MAPK6: variants seen among roughly 807,000 people sequenced by gnomAD.
MAPK6 encodes the protein mitogen-activated protein kinase 6.
Under a neutral mutation model 59.3 loss-of-function variants are expected in MAPK6, and 19 were observed. The observed-to-expected ratio is 0.32, with a 90% CI of 0.22 to 0.47. The LOEUF is 0.47. MAPK6 is among the 20% of genes least tolerant of loss of function. The probability of loss-of-function intolerance (pLI) is 1.00; values close to 1 mark genes in which losing one functional copy is unlikely to be tolerated. For missense variants in MAPK6, 724 were observed against 847.9 expected (o/e 0.85, Z 1.81); for synonymous variants, 316 against 290.3 (o/e 1.09, Z -0.90).
At chr15:52,002,236 G>A (rs893500051) in intron 2 of MAPK6, among the ~76,000 whole-genome samples, 2 of 152,134 alleles carry the variant, frequency 1.3e-5, no homozygotes, top group Non-Finnish European at 2.9e-5. Context: ...TATATTGCTT[G>A]AGCTAATACA....
chr15:51,981,641 A>G (rs1475103824), intron 1 of MAPK6, among the ~76,000 whole-genome samples: 1 of 152,180 alleles, frequency 6.6e-6, no homozygotes, highest in Non-Finnish European at 1.5e-5. Context: ...CCTGGAATAG[A>G]TAGACTTTAG....
At chr15:52,024,260 C>A (rs562357610) in intron 1 of MAPK6, among the ~76,000 whole-genome samples, 1 of 152,118 alleles carries the variant, frequency 6.6e-6, no homozygotes, top group Non-Finnish European at 1.5e-5. Flanking sequence ...CTGAAGAGAT[C>A]TAAGATCTTG....
chr15:51,985,134 G>A (rs1454457542), intron 2 of MAPK6, among the ~76,000 whole-genome samples: 5 of 152,016 alleles, frequency 3.3e-5, no homozygotes, highest in Non-Finnish European at 7.4e-5. Context: ...TTGAGCCCAG[G>A]AGTTGTAGAC....
intron 2 of MAPK6, among the ~76,000 whole-genome samples, chr15:51,994,799 A>G (rs1052617716): frequency 6.6e-6 from 1 of 152,216 alleles, no homozygotes; most frequent in Admixed American, 6.5e-5. Context: ...GAATCTAATC[A>G]TGATAAAACC....
intron 2 of MAPK6, among the ~76,000 whole-genome samples, chr15:51,997,261 G>A (rs2057227189): frequency 6.7e-6 from 1 of 150,276 alleles, no homozygotes; most frequent in Non-Finnish European, 1.5e-5. Flanking sequence ...ATTACAGTGA[G>A]CCACTGTGCC....
At chr15:51,976,373 C>A (rs760525267) in intron 1 of MAPK6, among the ~76,000 whole-genome samples, 1 of 150,700 alleles carries the variant, frequency 6.6e-6, no homozygotes, top group Non-Finnish European at 1.5e-5. Flanking sequence ...GGAAAGGTTT[C>A]TTAGGAAGAT....
chr15:52,010,513 C>CT (rs1566898115), intron 3 of MAPK6, among the ~76,000 whole-genome samples: 11 of 133,612 alleles, frequency 8.2e-5, no homozygotes, highest in African/African-American at 2.7e-4. Flanking sequence ...TTGCACCCAG[C>CT]CTTTTTTTTT....
chr15:52,003,015 C>T (rs571914826), intron 2 of MAPK6, among the ~76,000 whole-genome samples: 109 of 152,098 alleles, frequency 7.2e-4, no homozygotes, highest in South Asian at 1.5e-3. Context: ...GGTGAAACCC[C>T]GTCTCTACTA....
intron 1 of MAPK6, among the ~76,000 whole-genome samples, chr15:52,038,771 C>A (rs1232923481): frequency 6.6e-6 from 1 of 151,958 alleles, no homozygotes; most frequent in African/African-American, 2.4e-5. Context: ...TGGGATCAAG[C>A]GTTATTATAA....
At chr15:52,030,367 G>A (rs1414967570) in intron 1 of MAPK6, among the ~76,000 whole-genome samples, 3 of 152,168 alleles carry the variant, frequency 2.0e-5, no homozygotes, top group African/African-American at 7.2e-5. Context: ...CACATGCTAA[G>A]TGCTCAGTAA....
chr15:52,056,855 T>C (rs1016360813), intron 3 of MAPK6: 3 of 143,394 alleles, frequency 2.1e-5, no homozygotes, highest in Non-Finnish European at 3.0e-5. Flanking sequence ...GAATTTATGA[T>C]GACTCCTGAA....
rs914367209 is a variant in MAPK6, at chr15:52,065,912, A to C, written c.*912A>C. The C allele has an allele frequency of 2.0e-5, 3 of 152,630 alleles. No homozygotes were observed. Among genetic ancestry groups the C allele is most frequent in the Admixed American group, 6.5e-5 (1 of 15,278 alleles). 9.5% of individuals were successfully genotyped at this position (152,630 alleles called of 1,614,324 possible). ...TTTTGGAGGTGCTTGATCTATCTAC[A>C]AAGAAAAATTAATTAGGAATTACTT... On this transcript the variant is annotated 3_prime_UTR_variant, in exon 6 of 6. Coordinates refer to ENST00000261845, the MANE Select transcript of MAPK6 (RefSeq NM_002748.4).
chr15:52,063,293 C>A (rs888595381), intron 5 of MAPK6, among the ~76,000 whole-genome samples: 1 of 152,212 alleles, frequency 6.6e-6, no homozygotes, highest in Non-Finnish European at 1.5e-5. Context: ...AAACTCCTGA[C>A]CTCAAGTGAT....
intron 1 of MAPK6, among the ~76,000 whole-genome samples, chr15:52,043,791 C>T: frequency 9.4e-6 from 1 of 106,620 alleles, no homozygotes; most frequent in South Asian, 3.4e-4. Flanking sequence ...CAGAGTCTCG[C>T]TGTGTCCCCC....
chr15:51,981,831 G>A (rs912864978), intron 1 of MAPK6, among the ~76,000 whole-genome samples: 1 of 152,164 alleles, frequency 6.6e-6, no homozygotes, highest in East Asian at 1.9e-4. Context: ...AGTGGAGGAA[G>A]CTGAATAAGA....
chr15:52,021,300 A>T (rs1416934518), intron 1 of MAPK6, among the ~76,000 whole-genome samples: 1 of 151,294 alleles, frequency 6.6e-6, no homozygotes, highest in African/African-American at 2.4e-5. Flanking sequence ...GGAAGCTTAC[A>T]AGTGCTGCTG....
At chr15:52,029,712 T>G (rs1195658675) in intron 1 of MAPK6, among the ~76,000 whole-genome samples, 3 of 152,212 alleles carry the variant, frequency 2.0e-5, no homozygotes. Context: ...CCATAGCTAA[T>G]CCATCATCAA....
At chr15:52,034,982 A>C (rs1466145303) in intron 1 of MAPK6, among the ~76,000 whole-genome samples, 1 of 152,202 alleles carries the variant, frequency 6.6e-6, no homozygotes, top group Admixed American at 6.5e-5. Flanking sequence ...AATTGCAGGC[A>C]TGAGCCACTG....
chr15:51,987,502 G>A (rs370125492), intron 2 of MAPK6, among the ~76,000 whole-genome samples: 13 of 152,230 alleles, frequency 8.5e-5, no homozygotes, highest in East Asian at 7.8e-4. Flanking sequence ...CTACTTGGGA[G>A]GCTGAGGTGG....
Sources: allele counts gnomAD v4.1 joint callset (sites outside exome capture counted in the v4.1 genomes callset), GRCh38; gene constraint gnomAD v4.1.1; transcripts MANE v1.5; gene names NCBI Gene and HGNC (gene_info 2026-07-23, HGNC 2026-07-21).